PSG3: variants seen among roughly 807,000 people sequenced by gnomAD.
PSG3 encodes the protein pregnancy specific beta-1-glycoprotein 3, also known as pregnancy-specific beta-1-glycoprotein 3.
A neutral mutation model predicts 47.5 loss-of-function variants in PSG3; 61 were observed. That is an observed-to-expected ratio of 1.28 (90% CI 1.05 to 1.59). PSG3 has a LOEUF of 1.59. PSG3 is among the 40% of genes most tolerant of loss of function. The pLI is 0.00. For synonymous variants in PSG3, 263 were observed against 198.4 expected (o/e 1.33, Z -2.74); for missense variants, 756 against 524.0 (o/e 1.44, Z -4.32).
intron 1 of PSG3, 45 bp downstream of exon 1, chr19:42,740,276 C>G (rs1392154691): frequency 6.2e-7 from 1 of 1,613,682 alleles, no homozygotes; most frequent in South Asian, 1.1e-5. Context: ...CATCCAGTCA[C>G]TCTGCTTCCT....
chr19:42,728,694 C>T (rs991581286), intron 5 of PSG3, among the ~76,000 whole-genome samples: 3 of 152,224 alleles, frequency 2.0e-5, no homozygotes, highest in African/African-American at 7.2e-5. Flanking sequence ...GGGGCTTCCT[C>T]CTCTCATCTG....
intron 2 of PSG3, among the ~76,000 whole-genome samples, chr19:42,737,778 ACT>A (rs1488040658): frequency 6.6e-6 from 1 of 151,884 alleles, no homozygotes; most frequent in African/African-American, 2.4e-5. Context: ...TGTTTGTGTG[ACT>A]CTGGTTCAGT....
Position 42,729,332 on chromosome 19 carries a change from T to A in PSG3, c.1034A>T (p.His345Leu), listed in dbSNP as rs557153041. 6.2e-7 allele frequency: 1 copy of A among 1,613,970 alleles called. No individual in the cohort carries two copies. Among genetic ancestry groups the A allele is most frequent in the Non-Finnish European group, 8.5e-7 (1 of 1,179,984 alleles). ...PRIYPSFTYY[H>L]SGENLYLSCF... is the part of the protein sequence containing the mutation. ...GGACAAGTAGAGGTTTTCTCCTGAA[T>A]GGTAATAGGTGAATGAAGGGTAAAT... Residue 345 changes from histidine to leucine, a missense_variant, in exon 5 of 7, where the codon CAT (histidine) becomes CTT (leucine). By Grantham distance (99) the His-to-Leu change is moderately conservative. Transcript: ENST00000327495.
chr19:42,728,780 C>G (rs1442741329), intron 5 of PSG3, among the ~76,000 whole-genome samples: 1 of 152,186 alleles, frequency 6.6e-6, no homozygotes, highest in African/African-American at 2.4e-5. Context: ...AAAACAAAGA[C>G]GTGGCAGAAG....
In PSG3 at chr19:42,738,805, C is replaced by G. The variant is rs200117711; in HGVS notation, c.349G>C (p.Ala117Pro). ...LLIQNVTRED[A>P]GSYTLHIVKR... ...ACGATGTGTAAGGTGTAGGATCCTG[C>G]GTCCTCCCGGGTGACATTCTGGATC... The change falls in exon 2 of 7, where the codon GCA becomes CCA. Residue 117 changes from alanine (A) to proline (P), a missense_variant. By Grantham distance (27) the Ala-to-Pro change is conservative (BLOSUM62 -1). Transcript: ENST00000327495. 1.3e-4 allele frequency: 202 copies of G among 1,613,960 alleles called. No individual in the cohort carries two copies. Among genetic ancestry groups the G allele is most frequent in the Non-Finnish European group, 1.5e-4 (172 of 1,179,996 alleles).
intron 5 of PSG3, among the ~76,000 whole-genome samples, chr19:42,725,245 G>T (rs1969358294): frequency 6.6e-6 from 1 of 152,124 alleles, no homozygotes; most frequent in South Asian, 2.1e-4. Context: ...TTCAGGTGAG[G>T]TATCAGAGGT....
At chr19:42,724,471 AG>A (rs1289637892) in intron 5 of PSG3, among the ~76,000 whole-genome samples, 1 of 152,174 alleles carries the variant, frequency 6.6e-6, no homozygotes, top group African/African-American at 2.4e-5. Context: ...TTGCACAGAA[AG>A]CTTCTTTCCT....
At chr19:42,737,519 AG>A (rs5828149) in intron 2 of PSG3, among the ~76,000 whole-genome samples, 1,778 of 152,130 alleles carry the variant, frequency 0.012, 85 homozygotes, top group Admixed American at 0.082. Flanking sequence ...TTAAGATCTG[AG>A]GGGGAGGCCT....
rs767730964 is a variant in PSG3, at chr19:42,738,715, G to A, written c.430+9C>T. ...CCCCAACACCCAGTGATCACGTGGA[G>A]TCACTCACGGTATAAGGTGAAGGTG... is the stretch of plus-strand genomic sequence containing the variant. On this transcript the variant is annotated intron_variant, in intron 2 of 6. Coordinates refer to ENST00000327495, the MANE Select transcript of PSG3 (RefSeq NM_021016.4). 9.9e-6 allele frequency: 16 copies of A among 1,613,426 alleles called. 1 individual carries two copies. Among genetic ancestry groups the A allele is most frequent in the South Asian group, 9.9e-5 (9 of 90,984 alleles).
intron 5 of PSG3, 69 bp from the exon 6 acceptor site, chr19:42,724,094 A>C: frequency 6.5e-7 from 1 of 1,528,702 alleles, no homozygotes; most frequent in South Asian, 1.1e-5. Context: ...CCTCAGGAAC[A>C]AGCATGTAAC....
chr19:42,722,900 C>A (rs1402998011), intron 6 of PSG3, among the ~76,000 whole-genome samples: 1 of 152,190 alleles, frequency 6.6e-6, no homozygotes, highest in Non-Finnish European at 1.5e-5. Context: ...ATTACCAATG[C>A]CTGGGTCCCT....
intron 5 of PSG3, among the ~76,000 whole-genome samples, chr19:42,728,131 G>C (rs1400264393): frequency 1.3e-5 from 2 of 152,214 alleles, no homozygotes; most frequent in African/African-American, 2.4e-5. Context: ...GAAGGAGTGA[G>C]AGTTACTGTT....
intron 3 of PSG3, among the ~76,000 whole-genome samples, chr19:42,731,244 A>C (rs971528753): frequency 1.3e-5 from 2 of 152,200 alleles, no homozygotes; most frequent in Non-Finnish European, 2.9e-5. Context: ...TAGGACAAAA[A>C]GTGTTTTGGA....
rs543670210 is a variant in PSG3, at chr19:42,728,904, C to G, written c.1243+219G>C. Among the ~76,000 whole-genome samples, 6 of 152,254 alleles carry G rather than the reference C, an allele frequency of 3.9e-5. No homozygotes were observed. The South Asian group carries it at 1.0e-3, about 26-fold the overall frequency. On this transcript the variant is annotated intron_variant, in intron 5 of 6. Coordinates refer to ENST00000327495, the MANE Select transcript of PSG3 (RefSeq NM_021016.4). Reference sequence around the variant, plus strand: ...CAGGGCTGATAAAGCCCGCTCCGTACCTTTCTCAGGCCAGACACAAGGTCA... The same window carrying G: ...CAGGGCTGATAAAGCCCGCTCCGTAGCTTTCTCAGGCCAGACACAAGGTCA...
chr19:42,724,093 C>A (rs950035564), intron 5 of PSG3, 68 bp from the exon 6 acceptor site: 3 of 1,530,238 alleles, frequency 2.0e-6, no homozygotes, highest in Non-Finnish European at 2.7e-6. Context: ...GCCTCAGGAA[C>A]AAGCATGTAA....
At chr19:42,722,708 T>C (rs138318862) in intron 6 of PSG3, among the ~76,000 whole-genome samples, 1 of 152,336 alleles carries the variant, frequency 6.6e-6, no homozygotes, top group African/African-American at 2.4e-5. Context: ...ATTACTGAGT[T>C]CTTGGTGTAG....
At chr19:42,723,079 C>T (rs1329613027) in intron 6 of PSG3, among the ~76,000 whole-genome samples, 1 of 152,120 alleles carries the variant, frequency 6.6e-6, no homozygotes, top group Non-Finnish European at 1.5e-5. Flanking sequence ...GTCTCATTTC[C>T]TGTCTTAGGC....
At chr19:42,730,871 G>T (rs1315766524) in intron 3 of PSG3, among the ~76,000 whole-genome samples, 2 of 152,238 alleles carry the variant, frequency 1.3e-5, no homozygotes, top group African/African-American at 4.8e-5. Context: ...GTGGACATTT[G>T]CAAATGCAGC....
intron 5 of PSG3, among the ~76,000 whole-genome samples, chr19:42,724,661 G>A (rs879266624): frequency 1.6e-4 from 25 of 151,692 alleles, no homozygotes; most frequent in Non-Finnish European, 2.2e-4. Flanking sequence ...AGTGGTCTGT[G>A]GGTTCTCCCG....
Sources: allele counts gnomAD v4.1 joint callset (sites outside exome capture counted in the v4.1 genomes callset), GRCh38; gene constraint gnomAD v4.1.1; transcripts MANE v1.5; gene names NCBI Gene and HGNC (gene_info 2026-07-23, HGNC 2026-07-21).